Variants in NKAIN3 observed in about 807,000 individuals in gnomAD.
NKAIN3 encodes sodium/potassium transporting ATPase interacting 3, also known as sodium/potassium-transporting ATPase subunit beta-1-interacting protein 3.
NKAIN3 carries 25 observed loss-of-function variants against 30.2 expected under a neutral mutation model. That is an observed-to-expected ratio of 0.83 (90% CI 0.60 to 1.16). NKAIN3 has a LOEUF of 1.16. NKAIN3 is among the 50% of genes most tolerant of loss of function. The pLI is 0.00. For synonymous variants in NKAIN3, 91 were observed against 89.6 expected (o/e 1.02, Z -0.09); for missense variants, 225 against 254.1 (o/e 0.89, Z 0.78).
At chr8:62,518,754 A>AG (rs1353509065) in intron 1 of NKAIN3, among the ~76,000 whole-genome samples, 2 of 152,188 alleles carry the variant, frequency 1.3e-5, no homozygotes, top group African/African-American at 4.8e-5. Context: ...ACCTTGAAAT[A>AG]GTTTGTCTGT....
intron 3 of NKAIN3, among the ~76,000 whole-genome samples, chr8:62,705,800 G>C (rs1440691254): frequency 6.6e-6 from 1 of 152,078 alleles, no homozygotes; most frequent in African/African-American, 2.4e-5. Flanking sequence ...CCTGTTCATG[G>C]TTTCTGCATG....
intron 1 of NKAIN3, among the ~76,000 whole-genome samples, chr8:62,373,840 C>T (rs1035246518): frequency 1.1e-4 from 16 of 152,114 alleles, no homozygotes; most frequent in South Asian, 4.1e-4. Context: ...TGGCCGGGTG[C>T]GGTGGCCCAT....
intron 3 of NKAIN3, among the ~76,000 whole-genome samples, chr8:62,592,759 T>A (rs1585986663): frequency 1.3e-5 from 2 of 151,902 alleles, no homozygotes; most frequent in South Asian, 4.1e-4. Context: ...AGATGGAAAA[T>A]ATATGCTATG....
chr8:62,358,405 G>T (rs1245986566), intron 1 of NKAIN3, among the ~76,000 whole-genome samples: 8 of 152,090 alleles, frequency 5.3e-5, no homozygotes, highest in Admixed American at 5.2e-4. Flanking sequence ...TTTAATGGTG[G>T]TTGATAAGGT....
chr8:62,767,654 T>C (rs968143768), intron 4 of NKAIN3, among the ~76,000 whole-genome samples: 1 of 152,140 alleles, frequency 6.6e-6, no homozygotes, highest in African/African-American at 2.4e-5. Flanking sequence ...TTCATTTACT[T>C]AGAAGCTTAG....
chr8:62,523,539 A>C (rs1165300978), intron 1 of NKAIN3, among the ~76,000 whole-genome samples: 12 of 152,316 alleles, frequency 7.9e-5, no homozygotes, highest in Non-Finnish European at 1.8e-4. Flanking sequence ...AACTTGTAAA[A>C]GTGAGTAATT....
chr8:62,520,381 A>T (rs888322592), intron 1 of NKAIN3, among the ~76,000 whole-genome samples: 46 of 152,244 alleles, frequency 3.0e-4, no homozygotes, highest in Non-Finnish European at 5.9e-5. Flanking sequence ...AGTAAAATTA[A>T]TTTTTATAAT....
intron 1 of NKAIN3, among the ~76,000 whole-genome samples, chr8:62,353,008 G>A (rs73684970): frequency 0.041 from 6,190 of 152,234 alleles, 447 homozygotes; most frequent in African/African-American, 0.14. Flanking sequence ...TACTTGATCA[G>A]TAATAAAATC....
Position 62,576,787 on chromosome 8 carries a change from T to G in NKAIN3, c.55-2752T>G, listed in dbSNP as rs186105470. ...CTAGCATCTCCCCAACACCACAGAT[T>G]AGAGCCATTTTAACAGAGATATTTC... On this transcript the variant is annotated intron_variant, in intron 1 of 6. Coordinates refer to ENST00000623646, the MANE Select transcript of NKAIN3 (RefSeq NM_001304533.3). Among the ~76,000 whole-genome samples, 949 of 152,226 alleles carry G rather than the reference T, an allele frequency of 6.2e-3. 3 individuals are homozygous for G. The highest frequency in any genetic ancestry group is 0.011 in the Non-Finnish European group (777 of 67,978).
intron 1 of NKAIN3, among the ~76,000 whole-genome samples, chr8:62,424,730 G>A (rs901514108): frequency 1.3e-4 from 20 of 151,898 alleles, no homozygotes; most frequent in African/African-American, 4.8e-4. Flanking sequence ...TAGTAAAACA[G>A]TATGCAGTGT....
intron 4 of NKAIN3, among the ~76,000 whole-genome samples, chr8:62,803,081 G>T (rs148905560): frequency 0.013 from 1,939 of 152,250 alleles, 36 homozygotes; most frequent in African/African-American, 0.042. Context: ...AAATATATAT[G>T]CACCCAATAT....
Position 62,936,155 on chromosome 8 carries a change from T to C in NKAIN3, c.532+17642T>C, listed in dbSNP as rs542766351. ...ATGCTTCTTCCTCATGGTAGTGGCT[T>C]GCAGAAGAACTTGGCCATCTTCGTG... On this transcript the variant is annotated intron_variant, in intron 5 of 6. Coordinates refer to ENST00000623646, the MANE Select transcript of NKAIN3 (RefSeq NM_001304533.3). 7.2e-5 allele frequency among the ~76,000 whole-genome samples: 11 copies of C among 152,258 alleles called. No individual in the cohort carries two copies. In the East Asian group the frequency reaches 1.4e-3, roughly 19 times the overall value.
intron 5 of NKAIN3, among the ~76,000 whole-genome samples, chr8:62,927,973 A>G (rs1389561103): frequency 6.6e-6 from 1 of 152,206 alleles, no homozygotes; most frequent in Non-Finnish European, 1.5e-5. Context: ...ATTTTACACT[A>G]CCTTAAAAAG....
intron 1 of NKAIN3, among the ~76,000 whole-genome samples, chr8:62,315,935 C>A (rs1308574760): frequency 6.6e-6 from 1 of 152,136 alleles, no homozygotes; most frequent in Non-Finnish European, 1.5e-5. Context: ...TTGCCATAAT[C>A]CCACATTGTG....
intron 4 of NKAIN3, among the ~76,000 whole-genome samples, chr8:62,802,811 C>T (rs901598892): frequency 2.6e-5 from 4 of 152,134 alleles, no homozygotes; most frequent in Admixed American, 1.3e-4. Flanking sequence ...TTAAAAGACA[C>T]ACACTGGCAA....
intron 1 of NKAIN3, among the ~76,000 whole-genome samples, chr8:62,570,271 T>C (rs1022217911): frequency 6.6e-6 from 1 of 152,204 alleles, no homozygotes; most frequent in East Asian, 1.9e-4. Flanking sequence ...GAAGTTTTCA[T>C]AGCTCTTTAG....
intron 1 of NKAIN3, among the ~76,000 whole-genome samples, chr8:62,527,003 A>G (rs901420320): frequency 3.3e-5 from 5 of 152,108 alleles, no homozygotes; most frequent in African/African-American, 1.2e-4. Flanking sequence ...CCATCCCACC[A>G]TAGCTTCTGT....
chr8:62,952,026 C>T (rs1310787931), intron 5 of NKAIN3, among the ~76,000 whole-genome samples: 2 of 152,028 alleles, frequency 1.3e-5, no homozygotes, highest in African/African-American at 4.8e-5. Context: ...TCTCAAACCC[C>T]TGACTTCAAA....
At chr8:62,346,092 G>A (rs1815996598) in intron 1 of NKAIN3, among the ~76,000 whole-genome samples, 1 of 152,004 alleles carries the variant, frequency 6.6e-6, no homozygotes, top group South Asian at 2.1e-4. Flanking sequence ...AGGAAGGTGG[G>A]GAGAGGTTAG....
Sources: allele counts gnomAD v4.1 joint callset (sites outside exome capture counted in the v4.1 genomes callset), GRCh38; gene constraint gnomAD v4.1.1; transcripts MANE v1.5; gene names NCBI Gene and HGNC (gene_info 2026-07-23, HGNC 2026-07-21).